Variants in C3orf49 observed in about 807,000 individuals in gnomAD.
C3orf49 encodes putative uncharacterized protein C3orf49.
A neutral mutation model predicts 13.3 loss-of-function variants in C3orf49; 27 were observed. The ratio of observed to expected loss-of-function variants is 2.02; its 90% CI spans 1.49 to 2.79. The LOEUF is 2.79. C3orf49 is among the 30% of genes most tolerant of loss of function. The probability of loss-of-function intolerance (pLI) is 0.00; values close to 1 mark genes in which losing one functional copy is unlikely to be tolerated. For missense variants in C3orf49, 242 were observed against 134.2 expected (o/e 1.80, Z -3.97); for synonymous variants, 87 against 47.6 (o/e 1.83, Z -3.40).
At chr3:63,846,136 CCT>C (rs369898101) in intron 6 of C3orf49, 480 of 408,802 alleles carry the variant, frequency 1.2e-3, no homozygotes, top group East Asian at 1.6e-3. Flanking sequence ...ACTCCTACTG[CCT>C]CTCTCTCTCT....
chr3:63,845,046 C>T lies in C3orf49; in HGVS notation c.873C>T (p.Asp291=). The stretch of plus-strand genomic sequence containing the variant: ...AGATGACCACAAAAGGACCTGGAGA[C>T]AGCTGACCTGAGACTCCTTGAGGAA... The part of the protein sequence containing the change: ...LKNMTTKGPG[D]S The change falls in exon 6 of 7, where the codon GAC becomes GAT. Residue 291 remains aspartate (D), a synonymous_variant. Coordinates refer to ENST00000295896, the MANE Select transcript of C3orf49 (RefSeq NM_001355236.2). 2 of 700,066 alleles carry T rather than the reference C, an allele frequency of 2.9e-6. No individual in the cohort carries two copies. The highest frequency in any genetic ancestry group is 5.2e-6 in the Non-Finnish European group (2 of 383,384). 43.4% of individuals were successfully genotyped at this position (700,066 alleles called of 1,614,324 possible).
chr3:63,837,512 A>C, intron 5 of C3orf49, among the ~76,000 whole-genome samples: 1 of 152,064 alleles, frequency 6.6e-6, no homozygotes, highest in East Asian at 1.9e-4. Context: ...TAGGCAGTCT[A>C]GAAATGTTTG....
chr3:63,820,462 CT>C (rs1385453723), intron 1 of C3orf49, among the ~76,000 whole-genome samples: 3 of 152,148 alleles, frequency 2.0e-5, no homozygotes, highest in African/African-American at 7.2e-5. Context: ...GCTAAATCAC[CT>C]TTGTTAATTA....
intron 3 of C3orf49, among the ~76,000 whole-genome samples, chr3:63,828,821 C>T (rs1575797948): frequency 6.6e-6 from 1 of 152,066 alleles, no homozygotes; most frequent in Non-Finnish European, 1.5e-5. Context: ...AAGTAATTTG[C>T]CCACGTAAGT....
chr3:63,797,158 G>A, the C3orf49 span, among the ~76,000 whole-genome samples: 2 of 151,992 alleles, frequency 1.3e-5, no homozygotes, highest in African/African-American at 4.8e-5. Context: ...AAAGTCTGCT[G>A]TAATTCTTAT....
At chr3:63,815,767 CT>C (rs1171725781), upstream of C3orf49, among the ~76,000 whole-genome samples, 5 of 145,458 alleles carry the variant, frequency 3.4e-5, no homozygotes, top group East Asian at 9.9e-4. Flanking sequence ...CTTTTCTTTT[CT>C]TTCTTTTTTT....
the C3orf49 span, among the ~76,000 whole-genome samples, chr3:63,793,365 C>T: frequency 6.6e-6 from 1 of 152,156 alleles, no homozygotes; most frequent in Admixed American, 6.5e-5. Flanking sequence ...CAAACCCTTT[C>T]AATATGTCCT....
intron 5 of C3orf49, among the ~76,000 whole-genome samples, chr3:63,842,724 G>GA (rs920382677): frequency 1.8e-4 from 27 of 150,372 alleles, no homozygotes; most frequent in East Asian, 9.8e-4. Flanking sequence ...AGGGGTGAGG[G>GA]AAAAAAAAAC....
chr3:63,802,579 T>C, the C3orf49 span, among the ~76,000 whole-genome samples: 1 of 152,234 alleles, frequency 6.6e-6, no homozygotes, highest in Admixed American at 6.5e-5. Context: ...TCTTAGTTTT[T>C]TTATTACCTG....
At chr3:63,783,705 G>C in the C3orf49 span, among the ~76,000 whole-genome samples, 2 of 150,878 alleles carry the variant, frequency 1.3e-5, no homozygotes, top group African/African-American at 2.5e-5. Flanking sequence ...GCAACACAGC[G>C]AGACTCCATC....
At chr3:63,810,645 C>G in the C3orf49 span, among the ~76,000 whole-genome samples, 2 of 152,074 alleles carry the variant, frequency 1.3e-5, no homozygotes, top group African/African-American at 4.8e-5. Flanking sequence ...TATCTGTATT[C>G]GATGGTGTCT....
At chr3:63,829,739 T>A (rs535825046) in intron 3 of C3orf49, among the ~76,000 whole-genome samples, 1 of 151,904 alleles carries the variant, frequency 6.6e-6, no homozygotes, top group African/African-American at 2.4e-5. Flanking sequence ...TAAGGGAGGA[T>A]CTCTTGAGCT....
At chr3:63,797,714 C>T in the C3orf49 span, among the ~76,000 whole-genome samples, 16 of 152,102 alleles carry the variant, frequency 1.1e-4, no homozygotes, top group Middle Eastern at 3.2e-3. Flanking sequence ...TGCCCTAAGG[C>T]GTCCAAGAAA....
the C3orf49 span, among the ~76,000 whole-genome samples, chr3:63,814,008 A>G: frequency 0.083 from 12,688 of 152,236 alleles, 1,229 homozygotes; most frequent in African/African-American, 0.23. Flanking sequence ...AAAATCTAGA[A>G]TCTCAGCTTA....
In C3orf49 at chr3:63,827,704, T is replaced by C; in HGVS notation, c.549T>C (p.Ser183=). ...RRTTKRLSVT[S]LPSGLQKGPY... ...CCACCAAGCGGTTATCTGTGACATC[T>C]CTTCCTTCAGGACTGCAAAAGGTAA... The change falls in exon 3 of 7, where the codon TCT becomes TCC. Residue 183 remains serine (S), a synonymous_variant. Transcript: ENST00000295896. 1.4e-6 allele frequency: 1 copy of C among 702,916 alleles called. No homozygotes were observed. The highest frequency in any genetic ancestry group is 2.6e-6 in the Non-Finnish European group (1 of 384,978). The allele number at this position is 702,916 out of a possible 1,614,324, so 43.5% of individuals were successfully genotyped here.
intron 5 of C3orf49, chr3:63,839,723 C>G: frequency 6.2e-7 from 1 of 1,613,178 alleles, no homozygotes; most frequent in South Asian, 1.1e-5. Flanking sequence ...ATTCTCCGAT[C>G]ATCTCCAGCA....
intron 4 of C3orf49, 133 bp downstream of exon 4, chr3:63,831,356 AG>A: frequency 1.6e-6 from 1 of 613,988 alleles, no homozygotes; most frequent in Non-Finnish European, 2.9e-6. Flanking sequence ...TAATGTTAGC[AG>A]GGGGGCATTC....
chr3:63,802,574 G>GT, the C3orf49 span, among the ~76,000 whole-genome samples: 2 of 152,046 alleles, frequency 1.3e-5, no homozygotes, highest in Admixed American at 6.6e-5. Flanking sequence ...ATCTTTCTTA[G>GT]TTTTTTTATT....
chr3:63,782,349 T>C, the C3orf49 span: 1 of 152,154 alleles, frequency 6.6e-6, no homozygotes, highest in Non-Finnish European at 1.5e-5. Flanking sequence ...CAAACAAACA[T>C]AAAAATTTAA....
Sources: allele counts gnomAD v4.1 joint callset (sites outside exome capture counted in the v4.1 genomes callset), GRCh38; gene constraint gnomAD v4.1.1; transcripts MANE v1.5; gene names NCBI Gene and HGNC (gene_info 2026-07-23, HGNC 2026-07-21).